NRP1: variants seen among roughly 807,000 people sequenced by gnomAD.
NRP1 encodes the protein neuropilin-1.
Under a neutral mutation model 106.7 loss-of-function variants are expected in NRP1, and 35 were observed. The ratio of observed to expected loss-of-function variants is 0.33; its 90% CI spans 0.25 to 0.43. The LOEUF (loss-of-function observed/expected upper bound fraction) is 0.43, where lower values mean the gene tolerates loss of function less well. Ranked by LOEUF, NRP1 falls within the 20% of genes least tolerant of loss-of-function variation. The pLI, the probability that NRP1 is intolerant of heterozygous loss-of-function variation, is 1.00. For synonymous variants in NRP1, 437 were observed against 417.9 expected, an observed-to-expected ratio of 1.05 and a Z score of -0.56; for missense variants, 1,024 against 1,170.4, an observed-to-expected ratio of 0.87 and a Z score of 1.83.
intron 6 of NRP1, among the ~76,000 whole-genome samples, chr10:33,236,652 A>T (rs923637852): frequency 6.6e-6 from 1 of 152,200 alleles, no homozygotes; most frequent in Non-Finnish European, 1.5e-5. Flanking sequence ...CCCGTTCCTA[A>T]TATTTGTCAG....
intron 8 of NRP1, among the ~76,000 whole-genome samples, chr10:33,219,768 C>A (rs1839079293): frequency 6.6e-6 from 1 of 152,108 alleles, no homozygotes; most frequent in Non-Finnish European, 1.5e-5. Context: ...CCTGGAAATT[C>A]AGAATTTTGA....
intron 6 of NRP1, among the ~76,000 whole-genome samples, chr10:33,227,871 G>A (rs1839796460): frequency 6.6e-6 from 1 of 152,088 alleles, no homozygotes; most frequent in Non-Finnish European, 1.5e-5. Context: ...GTAAAATGAA[G>A]GAGTGGGATT....
chr10:33,225,976 G>A (rs567783987), intron 7 of NRP1, among the ~76,000 whole-genome samples, 158 bp downstream of exon 7: 1 of 152,282 alleles, frequency 6.6e-6, no homozygotes, highest in South Asian at 2.1e-4. Flanking sequence ...CTGGGAACAT[G>A]AGACCCCTTG....
chr10:33,191,279 C>T (rs575030369), intron 13 of NRP1, among the ~76,000 whole-genome samples: 4 of 152,214 alleles, frequency 2.6e-5, no homozygotes, highest in Non-Finnish European at 5.9e-5. Flanking sequence ...CCAACCCATT[C>T]CTCCCCCACC....
rs575837924 is a variant in NRP1 at position 33,226,309 on chromosome 10, G to A, written c.982-20C>T. Reference sequence around the variant, plus strand: ...GTCTACCTGCAAGACAAGTACAAGCGTGGTCAGTGCACCATCCCTGCAGCA... The same window carrying A: ...GTCTACCTGCAAGACAAGTACAAGCATGGTCAGTGCACCATCCCTGCAGCA... On this transcript the variant is annotated intron_variant, in intron 6 of 16. Transcript: ENST00000374867. The A allele has an allele frequency of 4.6e-5, 74 of 1,613,686 alleles. 1 individual carries two copies. In the Middle Eastern group the frequency reaches 6.6e-4, roughly 14 times the overall value.
intron 1 of NRP1, 100 bp downstream of exon 1, chr10:33,334,206 GTTGT>G (rs1385600751): frequency 9.7e-7 from 1 of 1,036,148 alleles, no homozygotes; most frequent in East Asian, 2.6e-5. Flanking sequence ...CCGGGAGTCG[GTTGT>G]TCCCGGCTGA....
intron 4 of NRP1, among the ~76,000 whole-genome samples, chr10:33,259,808 T>C (rs1488329956): frequency 2.0e-5 from 3 of 152,182 alleles, no homozygotes; most frequent in African/African-American, 7.2e-5. Flanking sequence ...CCACTTTTTA[T>C]GTGAAAAAAT....
chr10:33,288,117 G>A (rs892469398), intron 2 of NRP1, among the ~76,000 whole-genome samples: 4 of 152,018 alleles, frequency 2.6e-5, no homozygotes, highest in African/African-American at 9.7e-5. Flanking sequence ...TAAATGTCAG[G>A]GTAAAATGAA....
intron 16 of NRP1, among the ~76,000 whole-genome samples, chr10:33,181,560 G>A (rs1238785061): frequency 2.0e-5 from 3 of 152,230 alleles, no homozygotes; most frequent in African/African-American, 7.2e-5. Flanking sequence ...GTGTCCAACA[G>A]CCCACAATGC....
intron 2 of NRP1, among the ~76,000 whole-genome samples, chr10:33,317,448 A>G (rs531679778): frequency 2.0e-5 from 3 of 152,340 alleles, no homozygotes; most frequent in East Asian, 1.9e-4. Context: ...ATGTGAATGG[A>G]CCATCAGTTT....
intron 14 of NRP1, 99 bp downstream of exon 14, chr10:33,186,118 T>G: frequency 7.0e-7 from 1 of 1,425,302 alleles, no homozygotes; most frequent in African/African-American, 1.4e-5. Context: ...CTGGAAATAA[T>G]TTCGGAATAA....
rs745345383 is a variant in NRP1 at position 33,263,640 on chromosome 10, T to A, written c.658+6A>T. The A allele has an allele frequency of 1.4e-5, 23 of 1,610,686 alleles. No homozygotes were observed. The highest frequency in any genetic ancestry group is 1.9e-5 in the Non-Finnish European group (22 of 1,177,028). On this transcript the variant is annotated splice_donor_region_variant and intron_variant, in intron 4 of 16. Coordinates refer to ENST00000374867, the MANE Select transcript of NRP1 (RefSeq NM_003873.7). ...CCCTTTTTGGGGTGCTTCCTGTCAT[T>A]CTTACCATCAGGGAATCCATCCCAG...
chr10:33,191,838 TGTG>T, intron 13 of NRP1, among the ~76,000 whole-genome samples: 1 of 151,390 alleles, frequency 6.6e-6, no homozygotes, highest in Non-Finnish European at 1.5e-5. Flanking sequence ...ATTAGCTGGG[TGTG>T]GTGGTGTATG....
chr10:33,265,898 G>GA (rs1181905601), intron 3 of NRP1, among the ~76,000 whole-genome samples: 1 of 152,110 alleles, frequency 6.6e-6, no homozygotes. Flanking sequence ...AGATGACAGC[G>GA]ACTATGCTAA....
At chr10:33,203,057 T>C in intron 10 of NRP1, 62 bp from the exon 11 acceptor site, 1 of 1,520,636 alleles carries the variant, frequency 6.6e-7, no homozygotes, top group South Asian at 1.3e-5. Context: ...AGCCTCTGGC[T>C]GTTGGATCTG....
At chr10:33,272,613 G>A (rs1157822739) in intron 2 of NRP1, among the ~76,000 whole-genome samples, 2 of 152,150 alleles carry the variant, frequency 1.3e-5, no homozygotes, top group African/African-American at 4.8e-5. Context: ...GATGTAGCTG[G>A]AAAGAACACC....
intron 6 of NRP1, among the ~76,000 whole-genome samples, chr10:33,250,033 G>C (rs1841735114): frequency 6.6e-6 from 1 of 152,010 alleles, no homozygotes; most frequent in South Asian, 2.1e-4. Flanking sequence ...TGTACTTGTT[G>C]TTGCTACAGC....
chr10:33,298,214 C>T (rs541195262), intron 2 of NRP1, among the ~76,000 whole-genome samples: 48 of 152,174 alleles, frequency 3.2e-4, no homozygotes, highest in Admixed American at 6.5e-4. Context: ...TATTTCTACA[C>T]TGGGTGACTA....
intron 6 of NRP1, among the ~76,000 whole-genome samples, chr10:33,230,595 A>C (rs1170582232): frequency 1.7e-5 from 2 of 116,670 alleles, no homozygotes; most frequent in Non-Finnish European, 3.4e-5. Flanking sequence ...AGTTTCTCAT[A>C]TATGTGTGTG....
Sources: allele counts gnomAD v4.1 joint callset (sites outside exome capture counted in the v4.1 genomes callset), GRCh38; gene constraint gnomAD v4.1.1; transcripts MANE v1.5; gene names NCBI Gene and HGNC (gene_info 2026-07-23, HGNC 2026-07-21).